PLA2G2C: variants seen among roughly 807,000 people sequenced by gnomAD.
PLA2G2C encodes phospholipase A2 group IIC, also known as putative inactive group IIC secretory phospholipase A2.
A neutral mutation model predicts 14.3 loss-of-function variants in PLA2G2C; 15 were observed. The observed-to-expected ratio is 1.05, with a 90% CI of 0.70 to 1.62. The LOEUF (loss-of-function observed/expected upper bound fraction) is 1.62. Among genes scored for constraint, PLA2G2C ranks in the 40% most tolerant of loss-of-function variants. The pLI, the probability that PLA2G2C is intolerant of heterozygous loss-of-function variation, is 0.00. For synonymous variants in PLA2G2C, 79 were observed against 67.7 expected (o/e 1.17, Z -0.82); for missense variants, 162 against 173.2 (o/e 0.94, Z 0.36).
intron 1 of PLA2G2C, among the ~76,000 whole-genome samples, chr1:20,178,463 CA>C (rs1469030994): frequency 6.6e-6 from 1 of 152,188 alleles, no homozygotes; most frequent in African/African-American, 2.4e-5. Context: ...GAGAGTTAAT[CA>C]GGGTGTCTTT....
chr1:20,175,464 C>T (rs945321684), intron 2 of PLA2G2C, among the ~76,000 whole-genome samples: 5 of 152,310 alleles, frequency 3.3e-5, no homozygotes, highest in African/African-American at 4.8e-5. Flanking sequence ...AGAACACCCT[C>T]GGGTCTGATG....
intron 4 of PLA2G2C, 77 bp downstream of exon 4, chr1:20,172,717 C>A: frequency 8.0e-7 from 1 of 1,254,024 alleles, no homozygotes; most frequent in Non-Finnish European, 1.1e-6. Flanking sequence ...TCTAAAAGAT[C>A]TCTGGGTCAA....
chr1:20,169,558 A>AGTG (rs2018035385), intron 4 of PLA2G2C, among the ~76,000 whole-genome samples: 2 of 152,214 alleles, frequency 1.3e-5, no homozygotes, highest in African/African-American at 4.8e-5. Context: ...CTTCAAAGAA[A>AGTG]CAGTAATAAA....
At chr1:20,182,947 T>C (rs1298763578) in intron 1 of PLA2G2C, among the ~76,000 whole-genome samples, 1 of 152,226 alleles carries the variant, frequency 6.6e-6, no homozygotes, top group East Asian at 1.9e-4. Context: ...AGTTAGCAGC[T>C]TGCTGGATCG....
At chr1:20,180,704 T>C (rs1475855452) in intron 1 of PLA2G2C, among the ~76,000 whole-genome samples, 2 of 152,212 alleles carry the variant, frequency 1.3e-5, no homozygotes, top group African/African-American at 4.8e-5. Flanking sequence ...GACAAGTCAT[T>C]TGGGGCTGCC....
intron 2 of PLA2G2C, 24 bp from the exon 3 acceptor site, chr1:20,175,169 A>G: frequency 6.2e-7 from 1 of 1,613,736 alleles, no homozygotes; most frequent in African/African-American, 1.3e-5. Flanking sequence ...TGAGAAAAAA[A>G]GGAAGAAGGA....
chr1:20,172,954 G>A lies in PLA2G2C; in HGVS notation c.180-57C>T, dbSNP rs988306266. The A allele has an allele frequency of 8.3e-6, 11 of 1,320,046 alleles. No individual in the cohort carries two copies. In the African/African-American group the frequency reaches 1.5e-4, roughly 18 times the overall value. The allele number at this position is 1,320,046 out of a possible 1,614,324, so 81.8% of individuals were successfully genotyped here. A position where few individuals can be genotyped will look rare whatever the true frequency, so the allele number is the denominator to read the frequency against. On this transcript the variant is annotated intron_variant, in intron 3 of 4. Coordinates refer to ENST00000679259, the MANE Select transcript of PLA2G2C (RefSeq NM_001367969.2). ...GGACCTTATCTGGGGACTAGAAAGG[G>A]CTCACCTGCCTCCTCCTCTAGGCAA...
Position 20,177,762 on chromosome 1 carries a change from G to T in PLA2G2C, c.-76-323C>A, listed in dbSNP as rs531316017. 6.6e-5 allele frequency among the ~76,000 whole-genome samples: 10 copies of T among 151,804 alleles called. 1 individual carries two copies. The highest frequency in any genetic ancestry group is 2.4e-4 in the African/African-American group (10 of 41,408). On this transcript the variant is annotated intron_variant, in intron 1 of 4. Coordinates refer to ENST00000679259, the MANE Select transcript of PLA2G2C (RefSeq NM_001367969.2). Reference sequence around the variant, plus strand: ...CCCGAGTTGGAAAGGCACCTATGTTGTTCATAATAGAAATCCCACACAGGA... The same window carrying T: ...CCCGAGTTGGAAAGGCACCTATGTTTTTCATAATAGAAATCCCACACAGGA...
intron 1 of PLA2G2C, among the ~76,000 whole-genome samples, chr1:20,180,908 A>G (rs1472089300): frequency 6.6e-6 from 1 of 152,218 alleles, no homozygotes; most frequent in African/African-American, 2.4e-5. Flanking sequence ...ATCAACAGTA[A>G]TGAAACACTG....
chr1:20,185,716 G>A (rs1027822683), intron 1 of PLA2G2C, among the ~76,000 whole-genome samples: 4 of 152,190 alleles, frequency 2.6e-5, no homozygotes, highest in African/African-American at 9.7e-5. Flanking sequence ...CAGTCCCACA[G>A]CCTCATTTTA....
chr1:20,169,100 G>A (rs959514687), intron 4 of PLA2G2C, among the ~76,000 whole-genome samples: 31 of 152,342 alleles, frequency 2.0e-4, no homozygotes, highest in African/African-American at 7.2e-4. Context: ...ACTCATGGGA[G>A]GCTAGGGAGT....
chr1:20,163,860 G>T lies in PLA2G2C; in HGVS notation c.*131C>A. 1 of 1,043,500 alleles carries T rather than the reference G, an allele frequency of 9.6e-7. No homozygotes were observed. The highest frequency in any genetic ancestry group is 1.4e-6 in the Non-Finnish European group (1 of 736,572). The allele number at this position is 1,043,500 out of a possible 1,614,324, so 64.6% of individuals were successfully genotyped here. The stretch of plus-strand genomic sequence containing the variant: ...TGGTCAGAATGCTGAAGGGTGAGCT[G>T]CCCTGCGGGAGACATTTTGTCCTCC... On this transcript the variant is annotated 3_prime_UTR_variant, in exon 5 of 5. Transcript: ENST00000679259.
At chr1:20,172,203 T>C (rs962756752) in intron 4 of PLA2G2C, among the ~76,000 whole-genome samples, 1 of 152,116 alleles carries the variant, frequency 6.6e-6, no homozygotes, top group African/African-American at 2.4e-5. Context: ...TAGGCCAGGA[T>C]TGCCCTGCAC....
At position 20,163,187 on chromosome 1, in the gene PLA2G2C, C is replaced by T. The variant is rs775053489; in HGVS notation, c.*804G>A. The T allele has an allele frequency of 6.6e-6, 1 of 152,254 alleles. No individual in the cohort carries two copies. Among genetic ancestry groups the T allele is most frequent in the Non-Finnish European group, 1.5e-5 (1 of 68,052 alleles). The allele number at this position is 152,254 out of a possible 1,614,324, so 9.4% of individuals were successfully genotyped here. On this transcript the variant is annotated 3_prime_UTR_variant, in exon 5 of 5. Transcript: ENST00000679259. Reference sequence around the variant, plus strand: ...CTGTAGTCAGCTACAAGCTGAGTCTCGCTGAGCTCTCTCTCACGTGTCTGA... The same window carrying T: ...CTGTAGTCAGCTACAAGCTGAGTCTTGCTGAGCTCTCTCTCACGTGTCTGA...
intron 1 of PLA2G2C, chr1:20,184,731 T>C (rs954757644): frequency 1.3e-5 from 2 of 152,364 alleles, no homozygotes; most frequent in Admixed American, 1.3e-4. Context: ...GAAGTTTCCA[T>C]ATGATGGCTT....
At position 20,174,918 on chromosome 1, in the gene PLA2G2C, G is replaced by A. The variant is rs2018151926; in HGVS notation, c.179+89C>T. 14 of 1,302,926 alleles carry A rather than the reference G, an allele frequency of 1.1e-5. No homozygotes were observed. The South Asian group carries it at 1.4e-4, about 13-fold the overall frequency. 80.7% of individuals were successfully genotyped at this position (1,302,926 alleles called of 1,614,324 possible). The stretch of plus-strand genomic sequence containing the variant: ...CTGAGTTGTTTTCTGTTATTTGCCA[G>A]GCAAGAATCCTAACACCCTCTCTCT... On this transcript the variant is annotated intron_variant, in intron 3 of 4. Transcript: ENST00000679259.
intron 3 of PLA2G2C, among the ~76,000 whole-genome samples, chr1:20,173,794 A>G (rs112865577): frequency 6.6e-6 from 1 of 152,230 alleles, no homozygotes; most frequent in African/African-American, 2.4e-5. Flanking sequence ...AAAATGTTTC[A>G]GTCTCCCTCT....
At chr1:20,178,059 G>T (rs1423362416) in intron 1 of PLA2G2C, among the ~76,000 whole-genome samples, 1 of 152,172 alleles carries the variant, frequency 6.6e-6, no homozygotes, top group Non-Finnish European at 1.5e-5. Context: ...TGATCACATA[G>T]CTGTCTACTT....
intron 1 of PLA2G2C, among the ~76,000 whole-genome samples, chr1:20,181,839 G>C (rs898070871): frequency 6.6e-6 from 1 of 152,156 alleles, no homozygotes; most frequent in Non-Finnish European, 1.5e-5. Context: ...TATTGACTGC[G>C]AGTTGCCAAG....
Sources: gnomAD v4.1 joint callset for allele counts (sites outside exome capture counted in the v4.1 genomes callset) on GRCh38, gnomAD v4.1.1 for gene constraint, MANE v1.5 for transcripts, NCBI Gene and HGNC (gene_info 2026-07-23, HGNC 2026-07-21) for gene names.